The following PLA2G6 variants were observed in gnomAD, a reference collection of about 807,000 sequenced individuals.
PLA2G6 encodes phospholipase A2 group VI.
PLA2G6 carries 62 observed loss-of-function variants against 83.8 expected under a neutral mutation model. The ratio of observed to expected loss-of-function variants is 0.74; its 90% CI spans 0.60 to 0.91. PLA2G6 has a LOEUF of 0.91. PLA2G6 is among the 40% of genes least tolerant of loss of function. The pLI, the probability that PLA2G6 is intolerant of heterozygous loss-of-function variation, is 0.00. For missense variants in PLA2G6, 944 were observed against 1,102.0 expected, an observed-to-expected ratio of 0.86 and a Z score of 2.03; for synonymous variants, 417 against 449.8, an observed-to-expected ratio of 0.93 and a Z score of 0.92.
intron 11 of PLA2G6, among the ~76,000 whole-genome samples, chr22:38,122,039 C>T (rs748376490): frequency 1.3e-4 from 20 of 152,102 alleles, no homozygotes; most frequent in Non-Finnish European, 2.2e-4. Context: ...ACTAACGTCC[C>T]GGCAACTTGA....
At chr22:38,143,596 C>T (rs968681619) in intron 3 of PLA2G6, 30 of 498,054 alleles carry the variant, frequency 6.0e-5, no homozygotes, top group South Asian at 5.6e-4. Flanking sequence ...TCACTAGCCT[C>T]AGGCAATTCA....
chr22:38,178,288 T>C (rs1035065102), intron 1 of PLA2G6, among the ~76,000 whole-genome samples: 1 of 152,166 alleles, frequency 6.6e-6, no homozygotes, highest in Non-Finnish European at 1.5e-5. Context: ...CAAAACAGAC[T>C]GGTCAGGCAC....
intron 11 of PLA2G6, among the ~76,000 whole-genome samples, chr22:38,122,156 C>T (rs1569251189): frequency 6.6e-6 from 1 of 152,256 alleles, no homozygotes; most frequent in East Asian, 1.9e-4. Flanking sequence ...GCTCTGCATC[C>T]CCAGCATCCA....
Position 38,132,434 on chromosome 22 carries a change from G to A in PLA2G6, c.1077+397C>T, listed in dbSNP as rs1057166891. Reference sequence around the variant, plus strand: ...TAGACATTCTGTAGAGGGTGACCAAGTGTCCACCATAACTTTTCCACAACT... The same window carrying A: ...TAGACATTCTGTAGAGGGTGACCAAATGTCCACCATAACTTTTCCACAACT... On this transcript the variant is annotated intron_variant, in intron 7 of 16. Coordinates refer to ENST00000332509, the MANE Select transcript of PLA2G6 (RefSeq NM_003560.4). This position sits in a 1 kb window ranked among gnomAD's most constrained non-coding sequence, Gnocchi z 5.0. 4.2e-5 allele frequency: 14 copies of A among 331,462 alleles called. No homozygotes were observed. The highest frequency in any genetic ancestry group is 1.3e-4 in the African/African-American group (6 of 46,612). 20.5% of individuals were successfully genotyped at this position (331,462 alleles called of 1,614,324 possible).
chr22:38,148,870 T>C lies in PLA2G6; in HGVS notation c.210-3217A>G, dbSNP rs923183490. The C allele has an allele frequency of 3.4e-5, 4 of 117,756 alleles. No homozygotes were observed. In the South Asian group the frequency reaches 1.1e-3, roughly 33 times the overall value. 7.3% of individuals were successfully genotyped at this position (117,756 alleles called of 1,614,324 possible). ...GCTCTAGATTATTTCTTTTTTTTTT[T>C]TTTTTTTTTTTTTTGAGACGGAGTC... On this transcript the variant is annotated intron_variant, in intron 2 of 16. Transcript: ENST00000332509.
intron 2 of PLA2G6, among the ~76,000 whole-genome samples, chr22:38,151,018 C>T (rs1390811947): frequency 1.3e-5 from 2 of 152,064 alleles, no homozygotes; most frequent in Non-Finnish European, 2.9e-5. Context: ...ACCTGGGAGG[C>T]GGAGATCGTG....
At chr22:38,145,950 T>G in intron 2 of PLA2G6, 1 of 400,136 alleles carries the variant, frequency 2.5e-6, no homozygotes, top group East Asian at 5.5e-5. Context: ...CATGACTCAC[T>G]GCATCTTCGA....
Position 38,123,337 on chromosome 22 carries a change from C to G in PLA2G6, c.1428-79G>C. ...TTACATCCACCCTCATAGCCCTTGT[C>G]CCCTGCAGCTGTGTCCTGGCAGACA... On this transcript the variant is annotated intron_variant, in intron 10 of 16. Transcript: ENST00000332509. The surrounding 1 kb of genome is among the most constrained non-coding windows in gnomAD (Gnocchi z 4.1). The G allele has an allele frequency of 7.0e-7, 1 of 1,436,990 alleles. No homozygotes were observed. Among genetic ancestry groups the G allele is most frequent in the Non-Finnish European group, 9.5e-7 (1 of 1,047,746 alleles). The allele number at this position is 1,436,990 out of a possible 1,614,324, so 89.0% of individuals were successfully genotyped here.
At chr22:38,141,831 C>G (rs933518333) in intron 4 of PLA2G6, 1 of 152,030 alleles carries the variant, frequency 6.6e-6, no homozygotes, top group African/African-American at 2.4e-5. Context: ...AGAGGATTCT[C>G]GGTGAAAGTG....
Position 38,134,969 on chromosome 22 carries a change from C to CCCCCCAAGCA in PLA2G6, c.894+18_894+19insTGCTTGGGGG. Reference sequence around the variant, plus strand: ...GGCCCGGCCCCCTGCCCCACCCACCCACCTCAGGATCCACTCACCTCTGCG... The same window carrying CCCCCCAAGCA: ...GGCCCGGCCCCCTGCCCCACCCACCCCCCCCAAGCAACCTCAGGATCCACTCACCTCTGCG... On this transcript the variant is annotated intron_variant, in intron 6 of 16. Coordinates refer to ENST00000332509, the MANE Select transcript of PLA2G6 (RefSeq NM_003560.4). 1.4e-6 allele frequency: 2 copies of CCCCCCAAGCA among 1,415,016 alleles called. No homozygotes were observed. The highest frequency in any genetic ancestry group is 2.0e-6 in the Non-Finnish European group (2 of 1,001,092). The allele number at this position is 1,415,016 out of a possible 1,614,324, so 87.7% of individuals were successfully genotyped here. A position where few individuals can be genotyped will look rare whatever the true frequency, so the allele number is the denominator to read the frequency against.
At chr22:38,181,525 C>T (rs2090846979) in intron 1 of PLA2G6, 139 bp downstream of exon 1, 1 of 151,970 alleles carries the variant, frequency 6.6e-6, no homozygotes. Context: ...AACTCAGGGT[C>T]GAAGCTGGGG....
chr22:38,119,916 C>CAAAACAA (rs141128792), intron 12 of PLA2G6, among the ~76,000 whole-genome samples: 2 of 151,688 alleles, frequency 1.3e-5, no homozygotes, highest in South Asian at 2.1e-4. Context: ...AAACCAAAAC[C>CAAAACAA]AAAACAAAAA....
intron 14 of PLA2G6, 21 bp downstream of exon 14, chr22:38,115,506 C>T: frequency 6.2e-7 from 1 of 1,609,328 alleles, no homozygotes. Context: ...GGGTCCAGGC[C>T]CTCTGGCCTA....
At position 38,132,435 on chromosome 22, in the gene PLA2G6, T is replaced by C. The variant is rs2088275191; in HGVS notation, c.1077+396A>G. ...AGACATTCTGTAGAGGGTGACCAAG[T>C]GTCCACCATAACTTTTCCACAACTC... On this transcript the variant is annotated intron_variant, in intron 7 of 16. Coordinates refer to ENST00000332509, the MANE Select transcript of PLA2G6 (RefSeq NM_003560.4). This position sits in a 1 kb window ranked among gnomAD's most constrained non-coding sequence, Gnocchi z 5.0. 3.0e-6 allele frequency: 1 copy of C among 332,090 alleles called. No individual in the cohort carries two copies. The highest frequency in any genetic ancestry group is 5.8e-6 in the Non-Finnish European group (1 of 173,600). The allele number at this position is 332,090 out of a possible 1,614,324, so 20.6% of individuals were successfully genotyped here.
intron 2 of PLA2G6, among the ~76,000 whole-genome samples, chr22:38,162,826 A>G (rs1393611178): frequency 6.6e-6 from 1 of 152,170 alleles, no homozygotes; most frequent in Non-Finnish European, 1.5e-5. Flanking sequence ...GAAAACTCTC[A>G]GGAGGCTGCG....
chr22:38,117,623 TA>T (rs890524746), intron 12 of PLA2G6, among the ~76,000 whole-genome samples: 1 of 152,080 alleles, frequency 6.6e-6, no homozygotes, highest in Non-Finnish European at 1.5e-5. Context: ...AATTTACAAC[TA>T]AAATATCCAT....
At chr22:38,176,378 G>C (rs1019257675) in intron 1 of PLA2G6, among the ~76,000 whole-genome samples, 1 of 152,164 alleles carries the variant, frequency 6.6e-6, no homozygotes, top group Non-Finnish European at 1.5e-5. Context: ...GCTTGGCCAC[G>C]TGGGGGATTC....
intron 1 of PLA2G6, among the ~76,000 whole-genome samples, chr22:38,179,455 T>C (rs571769137): frequency 6.6e-6 from 1 of 151,154 alleles, no homozygotes; most frequent in Non-Finnish European, 1.5e-5. Context: ...GGGTCAGGGA[T>C]GGAGGGCAGA....
intron 10 of PLA2G6, chr22:38,126,142 G>GC: frequency 1.6e-6 from 1 of 617,610 alleles, no homozygotes; most frequent in Non-Finnish European, 3.0e-6. Flanking sequence ...AGTCCAAGAA[G>GC]CCTGGCACCC....
Sources: allele counts gnomAD v4.1 joint callset (sites outside exome capture counted in the v4.1 genomes callset), GRCh38; gene constraint gnomAD v4.1.1; non-coding constraint Gnocchi (gnomAD v3.1); transcripts MANE v1.5; gene names NCBI Gene and HGNC (gene_info 2026-07-23, HGNC 2026-07-21).